The following PPP2R2B variants were observed in gnomAD, a reference collection of about 807,000 sequenced individuals.
PPP2R2B encodes serine/threonine-protein phosphatase 2A 55 kDa regulatory subunit B beta isoform.
A neutral mutation model predicts 46.0 loss-of-function variants in PPP2R2B; 5 were observed. That is an observed-to-expected ratio of 0.11 (90% CI 0.06 to 0.23). PPP2R2B has a LOEUF of 0.23. PPP2R2B is among the 10% of genes least tolerant of loss of function. The probability of loss-of-function intolerance (pLI) is 1.00; values close to 1 mark genes in which losing one functional copy is unlikely to be tolerated. For synonymous variants in PPP2R2B, 215 were observed against 206.7 expected (o/e 1.04, Z -0.34); for missense variants, 367 against 575.0 (o/e 0.64, Z 3.70).
chr5:146,688,175 C>T (rs1330023571), intron 5 of PPP2R2B, among the ~76,000 whole-genome samples: 1 of 151,546 alleles, frequency 6.6e-6, no homozygotes, highest in Non-Finnish European at 1.5e-5. Context: ...TATTTGAGAG[C>T]CTAGGAAAGG....
chr5:146,708,399 GTGTGTGTA>G (rs201163891), intron 2 of PPP2R2B, among the ~76,000 whole-genome samples: 2,920 of 117,250 alleles, frequency 0.025, 96 homozygotes, highest in African/African-American at 0.094. Context: ...CTATGTATGT[GTGTGTGTA>G]TGTGTGTGTG....
At chr5:147,060,396 G>A (rs1372602637), upstream of PPP2R2B, among the ~76,000 whole-genome samples, 2 of 152,332 alleles carry the variant, frequency 1.3e-5, no homozygotes, top group Non-Finnish European at 1.5e-5. Context: ...GGAGGCTGCA[G>A]TGGGCAGATC....
chr5:146,973,161 A>G (rs1212381621), intron 1 of PPP2R2B, among the ~76,000 whole-genome samples: 2 of 152,028 alleles, frequency 1.3e-5, no homozygotes, highest in African/African-American at 4.8e-5. Flanking sequence ...GTAGGATTTG[A>G]TTCTTTTTCT....
chr5:147,070,780 G>A (rs73310644), intron 2 of PPP2R2B, among the ~76,000 whole-genome samples: 4,713 of 152,156 alleles, frequency 0.031, 95 homozygotes, highest in African/African-American at 0.05. Flanking sequence ...CTGCAAAGCC[G>A]AGATTTTGTT....
At chr5:146,964,036 T>C (rs915813937) in intron 1 of PPP2R2B, among the ~76,000 whole-genome samples, 1 of 152,228 alleles carries the variant, frequency 6.6e-6, no homozygotes, top group Admixed American at 6.5e-5. Flanking sequence ...ATGTAGGCCA[T>C]CCAAATGTAG....
chr5:146,719,943 G>A (rs1239697553), intron 2 of PPP2R2B, among the ~76,000 whole-genome samples: 1 of 152,064 alleles, frequency 6.6e-6, no homozygotes, highest in African/African-American at 2.4e-5. Flanking sequence ...GCTCCCTTTA[G>A]AAGGGCATAG....
At chr5:146,955,614 T>A (rs944081614) in intron 1 of PPP2R2B, among the ~76,000 whole-genome samples, 1 of 152,060 alleles carries the variant, frequency 6.6e-6, no homozygotes, top group African/African-American at 2.4e-5. Flanking sequence ...CTCTTCTGAC[T>A]CTTTTTAACA....
chr5:146,820,359 C>G (rs1385724212), intron 2 of PPP2R2B, among the ~76,000 whole-genome samples: 1 of 151,988 alleles, frequency 6.6e-6, no homozygotes, highest in Non-Finnish European at 1.5e-5. Flanking sequence ...ATTTTAAACA[C>G]ACAAAACAAA....
intron 1 of PPP2R2B, among the ~76,000 whole-genome samples, chr5:146,938,926 G>T (rs780787609): frequency 6.6e-6 from 1 of 151,724 alleles, no homozygotes; most frequent in Non-Finnish European, 1.5e-5. Context: ...GACTACAGGC[G>T]CATGCTGCCA....
intron 1 of PPP2R2B, among the ~76,000 whole-genome samples, chr5:146,992,805 C>T (rs1156694281): frequency 6.6e-6 from 1 of 152,226 alleles, no homozygotes; most frequent in African/African-American, 2.4e-5. Flanking sequence ...TAGGTGAAAG[C>T]ATAGGCTCTC....
At chr5:146,898,173 G>A (rs1160199458) in intron 1 of PPP2R2B, among the ~76,000 whole-genome samples, 1 of 152,190 alleles carries the variant, frequency 6.6e-6, no homozygotes, top group Non-Finnish European at 1.5e-5. Flanking sequence ...CGACAAGAGT[G>A]AGACTCCATC....
Position 146,765,286 on chromosome 5 carries a change from C to T in PPP2R2B, c.71-64144G>A, listed in dbSNP as rs556706724. ...AGCTAGACTGAGCACAGGAAATCCA[C>T]GTCTAGGCAGTGTGTGTTTTCACAC... On this transcript the variant is annotated intron_variant, in intron 2 of 9. Transcript: ENST00000394411. Among the ~76,000 whole-genome samples the T allele has an allele frequency of 7.2e-5, 11 of 152,340 alleles. 1 individual carries two copies. The Middle Eastern group carries it at 0.014, about 188-fold the overall frequency.
rs530049795 is a variant in PPP2R2B at position 146,991,936 on chromosome 5, T to G, written c.79+63729A>C. On this transcript the variant is annotated intron_variant, in intron 1 of 8. Transcript: ENST00000336640. ...TGGAAATATTAATATTATTAAAATA[T>G]TTATTCTTGCCAAAGCAATCTACAG... Among the ~76,000 whole-genome samples the G allele has an allele frequency of 1.8e-3, 276 of 152,238 alleles. 4 individuals carry two copies. Among genetic ancestry groups the G allele is most frequent in the African/African-American group, 6.1e-3 (252 of 41,570 alleles).
intron 1 of PPP2R2B, among the ~76,000 whole-genome samples, chr5:146,918,111 A>C (rs1763459415): frequency 6.6e-6 from 1 of 152,190 alleles, no homozygotes; most frequent in Non-Finnish European, 1.5e-5. Context: ...GGCTCAAGCA[A>C]AGAATCCATT....
intron 7 of PPP2R2B, among the ~76,000 whole-genome samples, chr5:146,624,955 T>C (rs1291607011): frequency 1.3e-5 from 2 of 152,228 alleles, no homozygotes; most frequent in Non-Finnish European, 2.9e-5. Flanking sequence ...TCACTAAATC[T>C]CAATCTTATT....
intron 1 of PPP2R2B, among the ~76,000 whole-genome samples, chr5:146,982,721 G>A (rs1212625558): frequency 6.6e-6 from 1 of 152,096 alleles, no homozygotes; most frequent in Non-Finnish European, 1.5e-5. Context: ...TCTGTTGTGT[G>A]GTACATATGC....
chr5:146,761,054 G>A (rs1006900836), intron 2 of PPP2R2B, among the ~76,000 whole-genome samples: 13 of 152,238 alleles, frequency 8.5e-5, no homozygotes, highest in Admixed American at 2.6e-4. Flanking sequence ...GAACACTTTT[G>A]CACTGTTGGT....
intron 2 of PPP2R2B, among the ~76,000 whole-genome samples, chr5:146,827,385 A>G (rs866646371): frequency 6.6e-6 from 1 of 152,166 alleles, no homozygotes; most frequent in South Asian, 2.1e-4. Flanking sequence ...GGCATAGAGT[A>G]AGGTAAAATA....
intron 2 of PPP2R2B, among the ~76,000 whole-genome samples, chr5:146,729,092 C>T (rs1752066504): frequency 1.3e-5 from 2 of 152,154 alleles, no homozygotes; most frequent in African/African-American, 2.4e-5. Context: ...TGTTGAATGG[C>T]TGTGTCCAAA....
Sources: gnomAD v4.1 joint callset for allele counts (sites outside exome capture counted in the v4.1 genomes callset) on GRCh38, gnomAD v4.1.1 for gene constraint, MANE v1.5 for transcripts, NCBI Gene and HGNC (gene_info 2026-07-23, HGNC 2026-07-21) for gene names.